DLG2: variants seen among roughly 807,000 people sequenced by gnomAD.
DLG2 encodes the protein discs large MAGUK scaffold protein 2.
DLG2 carries 45 observed loss-of-function variants against 132.5 expected under a neutral mutation model. The ratio of observed to expected loss-of-function variants is 0.34; its 90% confidence interval spans 0.27 to 0.44. DLG2 has a LOEUF of 0.44. Among genes scored for constraint, DLG2 ranks in the 20% least tolerant of loss-of-function variants. DLG2 has a pLI of 1.00. For missense variants in DLG2, 1,045 were observed against 1,196.9 expected (o/e 0.87, Z 1.87); for synonymous variants, 424 against 419.6 (o/e 1.01, Z -0.13).
intron 17 of DLG2, among the ~76,000 whole-genome samples, chr11:83,798,747 A>G (rs2043511916): frequency 6.6e-6 from 1 of 152,194 alleles, no homozygotes; most frequent in Non-Finnish European, 1.5e-5. Flanking sequence ...TTATTCAGAG[A>G]GACCATGGAT....
At chr11:84,040,940 C>T (rs1204139634) in intron 11 of DLG2, among the ~76,000 whole-genome samples, 4 of 151,698 alleles carry the variant, frequency 2.6e-5, no homozygotes, top group East Asian at 1.9e-4. Context: ...CCTTCATATC[C>T]CTTGTAAGTT....
chr11:84,642,360 T>C (rs1432726469), intron 6 of DLG2, among the ~76,000 whole-genome samples: 1 of 151,884 alleles, frequency 6.6e-6, no homozygotes, highest in Admixed American at 6.6e-5. Flanking sequence ...CCTACCTAAA[T>C]TGCATAGGAA....
chr11:84,104,180 G>T (rs969373449), intron 9 of DLG2, among the ~76,000 whole-genome samples: 7 of 152,000 alleles, frequency 4.6e-5, no homozygotes, highest in Non-Finnish European at 8.8e-5. Flanking sequence ...ATTAACCCAG[G>T]TGACCATCAA....
intron 6 of DLG2, among the ~76,000 whole-genome samples, chr11:84,961,281 C>G (rs771666264): frequency 1.4e-4 from 21 of 151,844 alleles, no homozygotes; most frequent in Non-Finnish European, 3.1e-4. Context: ...GGGTATCATA[C>G]CAGTGTAGCT....
At chr11:85,032,770 C>T (rs531694777) in intron 6 of DLG2, among the ~76,000 whole-genome samples, 1 of 152,252 alleles carries the variant, frequency 6.6e-6, no homozygotes, top group Non-Finnish European at 1.5e-5. Context: ...TGGATGAAGA[C>T]TACACAATGT....
chr11:84,302,018 A>C (rs2154382197), intron 7 of DLG2, among the ~76,000 whole-genome samples: 1 of 152,358 alleles, frequency 6.6e-6, no homozygotes, highest in Non-Finnish European at 1.5e-5. Flanking sequence ...CTATGCAGCC[A>C]TAAAAAAGGA....
intron 3 of DLG2, among the ~76,000 whole-genome samples, chr11:85,407,378 T>C (rs546889468): frequency 1.2e-4 from 18 of 151,946 alleles, no homozygotes; most frequent in African/African-American, 4.1e-4. Context: ...TGGTTAAAAC[T>C]TAGGCTCTGG....
intron 10 of DLG2, among the ~76,000 whole-genome samples, chr11:84,097,467 C>T (rs772167884): frequency 3.9e-5 from 6 of 152,198 alleles, no homozygotes; most frequent in South Asian, 2.1e-4. Flanking sequence ...TGCCACCCCC[C>T]ACTCCACAGC....
intron 6 of DLG2, among the ~76,000 whole-genome samples, chr11:85,103,446 C>T (rs533078872): frequency 3.5e-4 from 53 of 151,902 alleles, no homozygotes; most frequent in Non-Finnish European, 5.6e-4. Context: ...CATAAATGGA[C>T]ACTTATACTT....
At chr11:84,143,468 G>C (rs186593081) in intron 9 of DLG2, among the ~76,000 whole-genome samples, 5 of 152,184 alleles carry the variant, frequency 3.3e-5, no homozygotes, top group African/African-American at 1.2e-4. Flanking sequence ...AGTCTATATA[G>C]ACCAAACATC....
At chr11:84,988,333 T>C (rs1252674155) in intron 6 of DLG2, among the ~76,000 whole-genome samples, 1 of 152,122 alleles carries the variant, frequency 6.6e-6, no homozygotes, top group African/African-American at 2.4e-5. Context: ...AATGCAGAAC[T>C]ACCATTTGAT....
intron 19 of DLG2, among the ~76,000 whole-genome samples, chr11:83,554,807 G>A (rs2096482852): frequency 6.6e-6 from 1 of 152,156 alleles, no homozygotes; most frequent in Non-Finnish European, 1.5e-5. Context: ...GGACTGCTCT[G>A]AAAATAGTCA....
At chr11:84,727,141 T>C (rs932826839) in intron 6 of DLG2, among the ~76,000 whole-genome samples, 2 of 152,216 alleles carry the variant, frequency 1.3e-5, no homozygotes, top group African/African-American at 4.8e-5. Context: ...TTGCCATTGT[T>C]TTTGGTGTTT....
At chr11:85,500,378 C>G (rs1008595592) in intron 3 of DLG2, among the ~76,000 whole-genome samples, 1 of 104,878 alleles carries the variant, frequency 9.5e-6, no homozygotes, top group Non-Finnish European at 1.7e-5. Flanking sequence ...ATATCACACT[C>G]TGGGGACTGT....
chr11:83,891,250 AAC>A (rs2069750488), intron 15 of DLG2, among the ~76,000 whole-genome samples: 1 of 141,762 alleles, frequency 7.1e-6, no homozygotes, highest in Non-Finnish European at 1.5e-5. Context: ...AGCAGAAGGT[AAC>A]ACAGAAAAAA....
intron 15 of DLG2, among the ~76,000 whole-genome samples, chr11:83,887,384 C>T (rs1199220789): frequency 1.3e-5 from 2 of 151,852 alleles, no homozygotes; most frequent in Non-Finnish European, 2.9e-5. Context: ...ATACACCCTC[C>T]CAAGACTAAA....
chr11:84,059,231 G>C lies in DLG2; in HGVS notation c.919+84C>G. 6 of 1,347,898 alleles carry C rather than the reference G, an allele frequency of 4.5e-6. No individual in the cohort carries two copies. In the East Asian group the frequency reaches 9.5e-5, roughly 21 times the overall value. The allele number at this position is 1,347,898 out of a possible 1,614,324, so 83.5% of individuals were successfully genotyped here. On this transcript the variant is annotated intron_variant, in intron 11 of 27. Coordinates refer to ENST00000376104, the MANE Select transcript of DLG2 (RefSeq NM_001142699.3). ...TAAGCACTGAATGTCAGAGGTTAAAGAGTTCATCATACGACTATCGTGGCA... is the reference window on the plus strand; with the variant it reads ...TAAGCACTGAATGTCAGAGGTTAAACAGTTCATCATACGACTATCGTGGCA...
intron 7 of DLG2, among the ~76,000 whole-genome samples, chr11:84,417,188 T>A (rs2098932721): frequency 1.3e-5 from 2 of 152,334 alleles, no homozygotes; most frequent in South Asian, 2.1e-4. Context: ...GCGGAAACAC[T>A]GAATTTAGAC....
At chr11:83,986,821 C>T (rs1269953018) in intron 11 of DLG2, among the ~76,000 whole-genome samples, 2 of 152,118 alleles carry the variant, frequency 1.3e-5, no homozygotes, top group Admixed American at 6.5e-5. Context: ...TGATGGTGAG[C>T]ATTTTTTCAT....
Sources: gnomAD v4.1 joint callset for allele counts (sites outside exome capture counted in the v4.1 genomes callset) on GRCh38, gnomAD v4.1.1 for gene constraint, MANE v1.5 for transcripts, NCBI Gene and HGNC (gene_info 2026-07-23, HGNC 2026-07-21) for gene names.